Variants in LRFN2 observed in about 807,000 individuals in gnomAD.
LRFN2 encodes leucine-rich repeat and fibronectin type-III domain-containing protein 2.
A neutral mutation model predicts 37.3 loss-of-function variants in LRFN2; 18 were observed. The observed-to-expected ratio is 0.48, with a 90% CI of 0.33 to 0.72. LRFN2 has a LOEUF of 0.72. Ranked by LOEUF, LRFN2 falls within the 30% of genes least tolerant of loss-of-function variation. The pLI is 0.02. For missense variants in LRFN2, 1,006 were observed against 1,060.7 expected, an observed-to-expected ratio of 0.95 and a Z score of 0.72; for synonymous variants, 556 against 466.6, an observed-to-expected ratio of 1.19 and a Z score of -2.47.
intron 1 of LRFN2, among the ~76,000 whole-genome samples, chr6:40,471,209 C>T (rs962134492): frequency 1.3e-4 from 20 of 152,114 alleles, no homozygotes; most frequent in African/African-American, 4.6e-4. Flanking sequence ...CTCTTCTTAC[C>T]GGCTCCAGAA....
intron 1 of LRFN2, among the ~76,000 whole-genome samples, chr6:40,554,009 A>T (rs1766824645): frequency 6.6e-6 from 1 of 152,032 alleles, no homozygotes; most frequent in African/African-American, 2.4e-5. Context: ...CTCTCATGGG[A>T]CCTTCAAGGA....
intron 2 of LRFN2, among the ~76,000 whole-genome samples, chr6:40,400,378 C>A (rs1221922957): frequency 2.0e-5 from 3 of 150,914 alleles, no homozygotes; most frequent in Non-Finnish European, 4.4e-5. Context: ...GACTCTCAGA[C>A]ACTGGCTGGT....
chr6:40,424,638 G>A (rs758070644), intron 2 of LRFN2, among the ~76,000 whole-genome samples: 11 of 152,070 alleles, frequency 7.2e-5, no homozygotes, highest in Non-Finnish European at 1.3e-4. Context: ...TCCGGGCTCT[G>A]ACCAAGGAGC....
intron 1 of LRFN2, among the ~76,000 whole-genome samples, chr6:40,454,637 C>G (rs1021737896): frequency 6.6e-6 from 1 of 152,172 alleles, no homozygotes; most frequent in Non-Finnish European, 1.5e-5. Flanking sequence ...GGGCCCCTTC[C>G]TTGTTCTTCT....
intron 1 of LRFN2, among the ~76,000 whole-genome samples, chr6:40,525,739 T>A (rs1385966187): frequency 6.6e-6 from 1 of 152,078 alleles, no homozygotes; most frequent in East Asian, 1.9e-4. Context: ...TCTCACCTCC[T>A]CCAGGAAGCC....
intron 2 of LRFN2, among the ~76,000 whole-genome samples, chr6:40,406,326 G>T (rs1245567002): frequency 1.3e-5 from 2 of 152,230 alleles, no homozygotes; most frequent in Non-Finnish European, 2.9e-5. Flanking sequence ...GCCTGAGGCT[G>T]GATACTGGCT....
At chr6:40,448,013 G>T (rs1764011409) in intron 1 of LRFN2, among the ~76,000 whole-genome samples, 1 of 152,204 alleles carries the variant, frequency 6.6e-6, no homozygotes, top group Non-Finnish European at 1.5e-5. Context: ...GCATGCCCTG[G>T]AGTTTCAGGG....
intron 2 of LRFN2, among the ~76,000 whole-genome samples, chr6:40,398,815 T>C (rs1328114581): frequency 6.6e-6 from 1 of 151,892 alleles, no homozygotes; most frequent in Non-Finnish European, 1.5e-5. Context: ...TCTTTCCTTT[T>C]CTGTTAATAT....
chr6:40,432,715 G>A lies in LRFN2; in HGVS notation c.399C>T (p.Asn133=). 6.2e-7 allele frequency: 1 copy of A among 1,614,190 alleles called. No homozygotes were observed. The highest frequency in any genetic ancestry group is 8.5e-7 in the Non-Finnish European group (1 of 1,180,050). ...CATCTGCGATGCCGCCCAGCTGGTT[G>A]TTGTTCACGATAAGGTGCTGCAGGT... ...LVNLQHLIVN[N]NQLGGIADEA... is the part of the protein sequence containing the mutation. Residue 133 remains asparagine, a synonymous_variant, in exon 2 of 3, where the codon AAC becomes AAT. Coordinates refer to ENST00000338305, the MANE Select transcript of LRFN2 (RefSeq NM_020737.3).
chr6:40,481,155 G>T (rs1764818924), intron 1 of LRFN2, among the ~76,000 whole-genome samples: 1 of 152,136 alleles, frequency 6.6e-6, no homozygotes, highest in Non-Finnish European at 1.5e-5. Context: ...CATTTATTGG[G>T]CCCAGTGCAG....
intron 1 of LRFN2, among the ~76,000 whole-genome samples, chr6:40,468,707 T>C (rs906573404): frequency 2.0e-5 from 3 of 152,210 alleles, no homozygotes; most frequent in Non-Finnish European, 4.4e-5. Flanking sequence ...GGCTTATCCA[T>C]GCCTGTGAGG....
chr6:40,435,756 T>G (rs566661992), intron 1 of LRFN2, among the ~76,000 whole-genome samples: 103 of 152,312 alleles, frequency 6.8e-4, no homozygotes, highest in African/African-American at 2.3e-3. Context: ...GCCAAGATGG[T>G]CTCGATCTCC....
rs557788841 is a variant in LRFN2, at chr6:40,444,375, A to G, written c.-18-11244T>C. 5.9e-5 allele frequency among the ~76,000 whole-genome samples: 9 copies of G among 152,286 alleles called. No homozygotes were observed. The South Asian group carries it at 1.0e-3, about 18-fold the overall frequency. On this transcript the variant is annotated intron_variant, in intron 1 of 2. Transcript: ENST00000338305. The stretch of plus-strand genomic sequence containing the variant: ...CTCAAGAGCAGTAAATATGAATTCA[A>G]TTTGGTTTTGCCATTTATAGAACCC...
intron 1 of LRFN2, among the ~76,000 whole-genome samples, chr6:40,507,922 T>C (rs955473428): frequency 2.0e-5 from 3 of 152,224 alleles, no homozygotes; most frequent in Non-Finnish European, 4.4e-5. Context: ...TGTGTGCCTT[T>C]TATGACATTG....
At chr6:40,479,236 A>T (rs1352337193) in intron 1 of LRFN2, among the ~76,000 whole-genome samples, 1 of 152,220 alleles carries the variant, frequency 6.6e-6, no homozygotes, top group Non-Finnish European at 1.5e-5. Flanking sequence ...ATCACAATTA[A>T]TAGAAGCGAT....
At chr6:40,551,816 A>G (rs961631796) in intron 1 of LRFN2, among the ~76,000 whole-genome samples, 6 of 152,190 alleles carry the variant, frequency 3.9e-5, no homozygotes, top group African/African-American at 1.4e-4. Context: ...AATTTTTATA[A>G]ATATAATTAC....
chr6:40,423,475 A>G (rs570432471), intron 2 of LRFN2, among the ~76,000 whole-genome samples: 2 of 152,180 alleles, frequency 1.3e-5, no homozygotes, highest in Non-Finnish European at 2.9e-5. Context: ...TCCTCACCAC[A>G]ATCCTATGAA....
intron 1 of LRFN2, among the ~76,000 whole-genome samples, chr6:40,467,255 G>T (rs1209751348): frequency 6.6e-6 from 1 of 151,918 alleles, no homozygotes; most frequent in Non-Finnish European, 1.5e-5. Context: ...CCTCCCATTA[G>T]TCCTCCTTCC....
chr6:40,406,696 C>T (rs1224771192), intron 2 of LRFN2, among the ~76,000 whole-genome samples: 1 of 152,214 alleles, frequency 6.6e-6, no homozygotes, highest in Admixed American at 6.5e-5. Flanking sequence ...CGTCTTCCTC[C>T]CACCAGCCCA....
Sources: gnomAD v4.1 joint callset for allele counts (sites outside exome capture counted in the v4.1 genomes callset) on GRCh38, gnomAD v4.1.1 for gene constraint, MANE v1.5 for transcripts, NCBI Gene and HGNC (gene_info 2026-07-23, HGNC 2026-07-21) for gene names.